The following FABP12 variants were observed in gnomAD, a reference collection of about 807,000 sequenced individuals.
FABP12 encodes the protein fatty acid binding protein 12.
In FABP12, 19 loss-of-function variants were observed where a neutral mutation model predicts 13.7. The ratio of observed to expected loss-of-function variants is 1.39; its 90% CI spans 0.97 to 2.04. The LOEUF is 2.04. Ranked by LOEUF, FABP12 falls within the 30% of genes most tolerant of loss-of-function variation. FABP12 has a pLI of 0.00. For synonymous variants in FABP12, 61 were observed against 57.0 expected, an observed-to-expected ratio of 1.07 and a Z score of -0.32; for missense variants, 182 against 164.2, an observed-to-expected ratio of 1.11 and a Z score of -0.59.
At chr8:81,526,791 A>G (rs1808911972) in intron 4 of FABP12, among the ~76,000 whole-genome samples, 1 of 152,202 alleles carries the variant, frequency 6.6e-6, no homozygotes, top group East Asian at 1.9e-4. Context: ...CCTGTGAGTC[A>G]AAGGATTAGG....
intron 1 of FABP12, among the ~76,000 whole-genome samples, chr8:81,548,508 G>A (rs1809474332): frequency 6.6e-6 from 1 of 152,210 alleles, no homozygotes; most frequent in African/African-American, 2.4e-5. Flanking sequence ...TAAAGGGAAT[G>A]TCGAGGGGCC....
chr8:81,542,550 T>A (rs1049951070), intron 1 of FABP12, among the ~76,000 whole-genome samples: 10 of 152,106 alleles, frequency 6.6e-5, no homozygotes, highest in African/African-American at 2.4e-4. Flanking sequence ...GGATTCCACA[T>A]CTCTCTGAGT....
chr8:81,577,121 A>G (rs1264558770), intron 1 of FABP12, among the ~76,000 whole-genome samples: 1 of 152,226 alleles, frequency 6.6e-6, no homozygotes, highest in East Asian at 1.9e-4. Context: ...ACTATAGTAA[A>G]TGTGCACATG....
chr8:81,580,160 G>A (rs1810133644), intron 1 of FABP12, among the ~76,000 whole-genome samples: 1 of 152,112 alleles, frequency 6.6e-6, no homozygotes, highest in African/African-American at 2.4e-5. Context: ...ACCCCTGCCA[G>A]GCCACCTTTT....
At chr8:81,589,507 C>T (rs1013061746) in intron 1 of FABP12, among the ~76,000 whole-genome samples, 1 of 152,210 alleles carries the variant, frequency 6.6e-6, no homozygotes, top group East Asian at 1.9e-4. Flanking sequence ...TGACCTCCCC[C>T]TGGCCCCACT....
intron 1 of FABP12, among the ~76,000 whole-genome samples, chr8:81,582,369 C>T (rs982895859): frequency 9.2e-5 from 14 of 152,004 alleles, no homozygotes; most frequent in African/African-American, 2.4e-5. Context: ...GATCCTCCCG[C>T]GTTGGCCTTC....
chr8:81,561,900 G>C (rs189349367), intron 1 of FABP12, among the ~76,000 whole-genome samples: 48 of 152,256 alleles, frequency 3.2e-4, no homozygotes, highest in Non-Finnish European at 4.0e-4. Context: ...GGAAAGTCCT[G>C]GTGCAGTGCT....
At chr8:81,579,886 C>CT (rs1810127428) in intron 1 of FABP12, among the ~76,000 whole-genome samples, 1 of 152,026 alleles carries the variant, frequency 6.6e-6, no homozygotes, top group African/African-American at 2.4e-5. Flanking sequence ...TATTCTCTTT[C>CT]TTTTTTACCT....
intron 1 of FABP12, among the ~76,000 whole-genome samples, chr8:81,540,986 T>A (rs970382058): frequency 1.3e-5 from 2 of 151,848 alleles, no homozygotes; most frequent in Admixed American, 6.6e-5. Flanking sequence ...GCCAAGATAG[T>A]GAAACCTCAT....
At chr8:81,580,698 C>T (rs1170452933) in intron 1 of FABP12, among the ~76,000 whole-genome samples, 1 of 152,038 alleles carries the variant, frequency 6.6e-6, no homozygotes, top group Non-Finnish European at 1.5e-5. Flanking sequence ...CCCATTGTCC[C>T]CCCAAAGGCA....
chr8:81,542,414 T>C (rs960899684), intron 1 of FABP12, among the ~76,000 whole-genome samples: 2 of 152,124 alleles, frequency 1.3e-5, no homozygotes, highest in Admixed American at 6.6e-5. Flanking sequence ...AATGGGACCA[T>C]GGCACAGGGA....
rs550963853 is a variant in FABP12, at chr8:81,583,459, GA to G, written c.-185+6593del. On this transcript the variant is annotated intron_variant, in intron 1 of 5. Coordinates refer to the FABP12 transcript ENST00000692030. Reference sequence around the variant, plus strand: ...ATAAAATATTTGTTAGACCAATCAAGAAAAAAAGAAAGAATGCCCAAATAAA... The same window carrying G: ...ATAAAATATTTGTTAGACCAATCAAGAAAAAAGAAAGAATGCCCAAATAAA... Among the ~76,000 whole-genome samples the G allele has an allele frequency of 1.6e-4, 24 of 151,228 alleles. No homozygotes were observed. In the East Asian group the frequency reaches 4.3e-3, roughly 27 times the overall value.
At chr8:81,529,676 TA>T (rs2129940908) in intron 2 of FABP12, 66 bp from the exon 3 acceptor site, 9 of 1,353,240 alleles carry the variant, frequency 6.7e-6, no homozygotes, top group Non-Finnish European at 9.2e-6. Flanking sequence ...TACATTACAA[TA>T]CAATACTTAA....
intron 1 of FABP12, among the ~76,000 whole-genome samples, chr8:81,546,309 C>T (rs1809433271): frequency 6.6e-6 from 1 of 152,048 alleles, no homozygotes; most frequent in Non-Finnish European, 1.5e-5. Context: ...AATGCAGCAC[C>T]AGAGTTTAGT....
chr8:81,550,521 C>T (rs552234003), intron 1 of FABP12, among the ~76,000 whole-genome samples: 1 of 152,294 alleles, frequency 6.6e-6, no homozygotes, highest in South Asian at 2.1e-4. Context: ...AACCTCTCCT[C>T]TCTTTCATTT....
At chr8:81,581,584 G>T (rs913501075) in intron 1 of FABP12, among the ~76,000 whole-genome samples, 1 of 152,110 alleles carries the variant, frequency 6.6e-6, no homozygotes, top group Non-Finnish European at 1.5e-5. Context: ...CAAGAGAAAA[G>T]CATCTAGTCA....
intron 1 of FABP12, among the ~76,000 whole-genome samples, chr8:81,541,246 C>T (rs1489166203): frequency 6.6e-6 from 1 of 152,048 alleles, no homozygotes; most frequent in East Asian, 1.9e-4. Context: ...TCTGCATCAC[C>T]TGGAAGCTTG....
intron 1 of FABP12, among the ~76,000 whole-genome samples, chr8:81,546,792 T>C (rs147981291): frequency 1.3e-4 from 20 of 152,342 alleles, no homozygotes; most frequent in African/African-American, 4.8e-4. Context: ...TGTCAACTGG[T>C]AACCCTTGCA....
At chr8:81,557,118 G>T (rs949497233) in intron 1 of FABP12, among the ~76,000 whole-genome samples, 1 of 151,708 alleles carries the variant, frequency 6.6e-6, no homozygotes, top group Non-Finnish European at 1.5e-5. Context: ...CAGGTGATCC[G>T]CCCACCTCAG....
Sources: allele counts gnomAD v4.1 joint callset (sites outside exome capture counted in the v4.1 genomes callset), GRCh38; gene constraint gnomAD v4.1.1; transcripts MANE v1.5; gene names NCBI Gene and HGNC (gene_info 2026-07-23, HGNC 2026-07-21).